Variants in HELZ observed in about 807,000 individuals in gnomAD.
HELZ encodes the protein ATP-dependent RNA helicase with zinc finger domain.
Under a neutral mutation model 218.2 loss-of-function variants are expected in HELZ, and 23 were observed. The observed-to-expected ratio is 0.11, with a 90% CI of 0.08 to 0.15. HELZ has a LOEUF of 0.15. HELZ is among the 10% of genes least tolerant of loss of function. The pLI is 1.00. For missense variants in HELZ, 1,813 were observed against 2,353.7 expected (o/e 0.77, Z 4.75); for synonymous variants, 814 against 829.4 (o/e 0.98, Z 0.32).
intron 6 of HELZ, 83 bp downstream of exon 6, chr17:67,203,235 AC>A (rs1336040715): frequency 7.3e-7 from 1 of 1,379,152 alleles, no homozygotes; most frequent in Non-Finnish European, 9.9e-7. Context: ...AAAAAAAGAT[AC>A]ACTTTTTTTT....
chr17:67,170,728 G>A (rs1598362347), intron 13 of HELZ, among the ~76,000 whole-genome samples: 1 of 151,602 alleles, frequency 6.6e-6, no homozygotes, highest in African/African-American at 2.4e-5. Context: ...AAGGGAGGCT[G>A]AGGAAGGAGA....
intron 5 of HELZ, among the ~76,000 whole-genome samples, chr17:67,207,972 C>G (rs993635056): frequency 2.0e-5 from 3 of 152,212 alleles, no homozygotes; most frequent in Non-Finnish European, 4.4e-5. Context: ...GCACTCCAGT[C>G]TGGGCGACAG....
intron 31 of HELZ, among the ~76,000 whole-genome samples, chr17:67,091,569 C>T (rs2036575095): frequency 6.6e-6 from 1 of 152,100 alleles, no homozygotes; most frequent in African/African-American, 2.4e-5. Flanking sequence ...GAAATTTTAA[C>T]GTCAATAGAT....
At chr17:67,211,706 C>G (rs188445430) in intron 5 of HELZ, among the ~76,000 whole-genome samples, 6 of 150,980 alleles carry the variant, frequency 4.0e-5, no homozygotes, top group Admixed American at 4.0e-4. Flanking sequence ...ACTAAAAATA[C>G]AAAAATTAGC....
chr17:67,217,649 T>A (rs2040635032), intron 4 of HELZ, among the ~76,000 whole-genome samples: 1 of 152,120 alleles, frequency 6.6e-6, no homozygotes, highest in African/African-American at 2.4e-5. Context: ...CTGGCCACAC[T>A]AACTCCTAGC....
intron 17 of HELZ, among the ~76,000 whole-genome samples, chr17:67,156,712 T>G (rs2038853239): frequency 6.6e-6 from 1 of 152,010 alleles, no homozygotes; most frequent in African/African-American, 2.4e-5. Context: ...TGCTCACGCT[T>G]CAATCACCAC....
rs1017900303 is a variant in HELZ, at chr17:67,108,812, C to A, written c.4490-86G>T. 67 of 1,057,246 alleles carry A rather than the reference C, an allele frequency of 6.3e-5. No homozygotes were observed. Among genetic ancestry groups the A allele is most frequent in the Non-Finnish European group, 8.8e-5 (65 of 741,146 alleles). The allele number at this position is 1,057,246 out of a possible 1,614,324, so 65.5% of individuals were successfully genotyped here. On this transcript the variant is annotated intron_variant, in intron 29 of 32. Transcript: ENST00000358691. This position sits in a 1 kb window ranked among gnomAD's most constrained non-coding sequence, Gnocchi z 4.1. ...GTTTTTTACTAACATATTTTCTCCA[C>A]AAAGACAAAGGACGTAGCTACAAAT...
chr17:67,085,313 T>C (rs1256011828), intron 32 of HELZ, among the ~76,000 whole-genome samples: 1 of 151,964 alleles, frequency 6.6e-6, no homozygotes, highest in African/African-American at 2.4e-5. Context: ...TCCCAGCTAC[T>C]TGGGAGGCTG....
rs1245632601 is a variant in HELZ, at chr17:67,161,094, T to G, written c.1896-18A>C. 1 of 1,571,800 alleles carries G rather than the reference T, an allele frequency of 6.4e-7. No homozygotes were observed. ...CCCATTGTCTATGGAAAATAAAAAT[T>G]TATGTTAAACACATGCATCTCGTTA... On this transcript the variant is annotated intron_variant, in intron 15 of 32. Transcript: ENST00000358691.
intron 23 of HELZ, among the ~76,000 whole-genome samples, chr17:67,130,424 T>C (rs957373228): frequency 2.0e-5 from 3 of 152,152 alleles, no homozygotes; most frequent in Admixed American, 1.3e-4. Context: ...TAGACCTATA[T>C]GTAAACAACA....
At chr17:67,203,590 T>C (rs1406538111) in intron 5 of HELZ, 147 bp from the exon 6 acceptor site, 1 of 902,448 alleles carries the variant, frequency 1.1e-6, no homozygotes, top group Admixed American at 3.0e-5. Flanking sequence ...GTGGTGTTTC[T>C]GTTCTGTCCA....
At chr17:67,152,200 G>A (rs2038705327) in intron 17 of HELZ, among the ~76,000 whole-genome samples, 1 of 152,216 alleles carries the variant, frequency 6.6e-6, no homozygotes, top group Non-Finnish European at 1.5e-5. Context: ...TTTTTGTGGT[G>A]TAAAACTGTC....
At chr17:67,236,023 G>A (rs935094546) in intron 3 of HELZ, among the ~76,000 whole-genome samples, 1 of 151,992 alleles carries the variant, frequency 6.6e-6, no homozygotes, top group Non-Finnish European at 1.5e-5. Flanking sequence ...GCCTCCCAAA[G>A]TGCTGGGATT....
intron 17 of HELZ, among the ~76,000 whole-genome samples, chr17:67,154,121 T>TA (rs1270047044): frequency 6.6e-6 from 1 of 152,224 alleles, no homozygotes; most frequent in Middle Eastern, 3.2e-3. Context: ...AAAAGGTTTT[T>TA]AAAAAGAGTA....
At chr17:67,218,852 G>C (rs775519426) in intron 3 of HELZ, 30 bp from the exon 4 acceptor site, 1 of 1,524,722 alleles carries the variant, frequency 6.6e-7, no homozygotes, top group Non-Finnish European at 9.1e-7. Flanking sequence ...ACAAGAGAAG[G>C]TTTTTTAAAC....
At chr17:67,161,408 CCT>C (rs1285840335) in intron 15 of HELZ, among the ~76,000 whole-genome samples, 1 of 151,984 alleles carries the variant, frequency 6.6e-6, no homozygotes, top group Non-Finnish European at 1.5e-5. Context: ...ATGTAATTTC[CCT>C]CTGTTACAAA....
intron 31 of HELZ, among the ~76,000 whole-genome samples, 198 bp from the exon 32 acceptor site, chr17:67,087,279 G>A (rs1054477069): frequency 6.6e-6 from 1 of 152,166 alleles, no homozygotes; most frequent in Non-Finnish European, 1.5e-5. Context: ...TCTGGACATG[G>A]TGTCAGAAGA....
At chr17:67,086,634 AT>A (rs2036392936) in intron 32 of HELZ, among the ~76,000 whole-genome samples, 194 bp downstream of exon 32, 1 of 73,012 alleles carries the variant, frequency 1.4e-5, no homozygotes, top group Non-Finnish European at 3.0e-5. Context: ...AAATATAAAT[AT>A]ATATATATAT....
intron 13 of HELZ, among the ~76,000 whole-genome samples, chr17:67,170,518 C>CTAAA (rs752767544): frequency 7.3e-5 from 11 of 151,660 alleles, no homozygotes; most frequent in Admixed American, 1.3e-4. Context: ...TGTCTCTAAA[C>CTAAA]TAAATAAATA....
Sources: allele counts gnomAD v4.1 joint callset (sites outside exome capture counted in the v4.1 genomes callset), GRCh38; gene constraint gnomAD v4.1.1; non-coding constraint Gnocchi (gnomAD v3.1); transcripts MANE v1.5; gene names NCBI Gene and HGNC (gene_info 2026-07-23, HGNC 2026-07-21).